The following TULP4 variants were observed in gnomAD, a reference collection of about 807,000 sequenced individuals.
The protein encoded by TULP4 is tubby-related protein 4.
In TULP4, 16 loss-of-function variants were observed where a neutral mutation model predicts 129.0. The ratio of observed to expected loss-of-function variants is 0.12; its 90% CI spans 0.08 to 0.19. The LOEUF (loss-of-function observed/expected upper bound fraction) is 0.19. Ranked by LOEUF, TULP4 falls within the 10% of genes least tolerant of loss-of-function variation. The pLI is 1.00. For missense variants in TULP4, 1,842 were observed against 2,059.1 expected (o/e 0.89, Z 2.04); for synonymous variants, 998 against 854.0 (o/e 1.17, Z -2.94).
chr6:158,470,394 G>A (rs1490925478), intron 6 of TULP4, among the ~76,000 whole-genome samples: 4 of 152,248 alleles, frequency 2.6e-5, no homozygotes, highest in South Asian at 2.1e-4. Context: ...GGGGGTTGCC[G>A]TTGCCGGCTT....
At chr6:158,403,742 C>T (rs1447605219) in intron 1 of TULP4, among the ~76,000 whole-genome samples, 1 of 152,208 alleles carries the variant, frequency 6.6e-6, no homozygotes, top group Admixed American at 6.5e-5. Context: ...TTGGGCGTCT[C>T]ATTGCTCAGG....
intron 3 of TULP4, among the ~76,000 whole-genome samples, chr6:158,439,218 A>G (rs1025983990): frequency 3.3e-5 from 5 of 152,200 alleles, no homozygotes; most frequent in East Asian, 1.9e-4. Flanking sequence ...ATAAATATCA[A>G]CTAACACATA....
intron 1 of TULP4, among the ~76,000 whole-genome samples, chr6:158,363,473 A>AT (rs1489273518): frequency 2.0e-5 from 3 of 151,808 alleles, no homozygotes; most frequent in South Asian, 2.1e-4. Flanking sequence ...TGATAGTCAC[A>AT]TTTTTTTTGT....
At chr6:158,250,121 C>G (rs1430773032) in intron 1 of TULP4, among the ~76,000 whole-genome samples, 2 of 151,788 alleles carry the variant, frequency 1.3e-5, no homozygotes, top group Non-Finnish European at 2.9e-5. Flanking sequence ...GAGACATGAG[C>G]CACCATTCCT....
At chr6:158,479,652 C>T (rs772307926) in intron 6 of TULP4, 99 bp from the exon 7 acceptor site, 8 of 1,113,814 alleles carry the variant, frequency 7.2e-6, no homozygotes, top group Non-Finnish European at 9.0e-6. Context: ...ATTCTCAAAA[C>T]AGCTTATTTT....
chr6:158,292,615 T>C (rs1778964031), intron 1 of TULP4, among the ~76,000 whole-genome samples: 1 of 152,238 alleles, frequency 6.6e-6, no homozygotes, highest in African/African-American at 2.4e-5. Context: ...TGTAGTCTTC[T>C]ACCATATAAT....
chr6:158,334,242 T>C (rs1223756726), intron 1 of TULP4, among the ~76,000 whole-genome samples: 1 of 152,176 alleles, frequency 6.6e-6, no homozygotes, highest in East Asian at 1.9e-4. Flanking sequence ...GTCATGACAT[T>C]ACAAGAAAAA....
At chr6:158,464,150 TAGGACACAGTCTCAAG>T (rs1283770817) in intron 6 of TULP4, among the ~76,000 whole-genome samples, 1 of 152,206 alleles carries the variant, frequency 6.6e-6, no homozygotes, top group Non-Finnish European at 1.5e-5. Flanking sequence ...AACCATGGCC[TAGGACACAGTCTCAAG>T]AGGTCCTGAG....
chr6:158,330,479 T>C (rs1435793466), intron 1 of TULP4, among the ~76,000 whole-genome samples: 2 of 152,254 alleles, frequency 1.3e-5, no homozygotes, highest in Admixed American at 1.3e-4. Flanking sequence ...TGTGCACGCA[T>C]ACACTCTCTC....
In TULP4 at chr6:158,502,569, C is replaced by T. The variant is rs775482315; in HGVS notation, c.2906C>T (p.Ala969Val). ...PPYPEIASQL[A>V]QGRGAAQRSD... ...TATCCTGAAATTGCCAGCCAGCTGG[C>T]CCAGGGGCGGGGGGCTGCCCAGAGG... The change falls in exon 13 of 14, where the codon GCC (alanine) becomes GTC (valine). Residue 969 changes from alanine (A) to valine (V), a missense_variant. Transcript: ENST00000367097. The T allele has an allele frequency of 2.1e-5, 33 of 1,605,472 alleles. No individual in the cohort carries two copies. The East Asian group carries it at 7.1e-4, about 35-fold the overall frequency.
At chr6:158,307,288 A>G (rs1779230660) in intron 1 of TULP4, among the ~76,000 whole-genome samples, 2 of 152,182 alleles carry the variant, frequency 1.3e-5, no homozygotes, top group African/African-American at 4.8e-5. Flanking sequence ...CCTCACACAC[A>G]TATATAATTG....
intron 1 of TULP4, among the ~76,000 whole-genome samples, chr6:158,349,064 GGCCAGGCAGAGGC>G (rs1780405446): frequency 1.9e-4 from 2 of 10,686 alleles, no homozygotes. Context: ...CAGACGGGGC[GGCCAGGCAGAGGC>G]GCTCCTCACT....
intron 5 of TULP4, among the ~76,000 whole-genome samples, chr6:158,457,081 C>T (rs1029108215): frequency 1.2e-4 from 18 of 152,196 alleles, no homozygotes; most frequent in East Asian, 9.7e-4. Flanking sequence ...CTGTTGGAGA[C>T]GGCACATGGC....
rs80190256 is a variant in TULP4 at position 158,352,924 on chromosome 6, A to G, written c.252+38656A>G. Among the ~76,000 whole-genome samples, 841 of 152,310 alleles carry G rather than the reference A, an allele frequency of 5.5e-3. 6 individuals are homozygous for G. Among genetic ancestry groups the G allele is most frequent in the African/African-American group, 0.019 (772 of 41,560 alleles). The stretch of plus-strand genomic sequence containing the variant: ...ATTATGATTTAAGTAATAAAGGAAA[A>G]GTGTATGAGTTTTTGCTCTCAAAAT... On this transcript the variant is annotated intron_variant, in intron 1 of 13. Transcript: ENST00000367097.
intron 1 of TULP4, among the ~76,000 whole-genome samples, chr6:158,370,642 G>A (rs61458824): frequency 6.6e-6 from 1 of 152,058 alleles, no homozygotes; most frequent in Non-Finnish European, 1.5e-5. Context: ...TTTTACTTGA[G>A]AGGTATTATT....
intron 1 of TULP4, among the ~76,000 whole-genome samples, chr6:158,305,660 A>G (rs1267742032): frequency 2.7e-5 from 4 of 150,612 alleles, no homozygotes; most frequent in African/African-American, 7.3e-5. Flanking sequence ...AGTTGTGATC[A>G]CGTCTCTGCA....
At chr6:158,368,140 C>T (rs1233441713) in intron 1 of TULP4, among the ~76,000 whole-genome samples, 1 of 149,138 alleles carries the variant, frequency 6.7e-6, no homozygotes, top group African/African-American at 2.5e-5. Flanking sequence ...TTGAGCTTTC[C>T]GTAAATTTTC....
chr6:158,237,992 A>G (rs1777752762), intron 1 of TULP4: 2 of 721,206 alleles, frequency 2.8e-6, no homozygotes, highest in Non-Finnish European at 5.2e-6. Context: ...TCTTTTATCA[A>G]GGACAAATGA....
chr6:158,455,786 T>C (rs929421264), intron 5 of TULP4, among the ~76,000 whole-genome samples: 2 of 152,058 alleles, frequency 1.3e-5, no homozygotes, highest in Non-Finnish European at 1.5e-5. Flanking sequence ...TGTGTCTTCC[T>C]AGTTTCAGAA....
Sources: gnomAD v4.1 joint callset for allele counts (sites outside exome capture counted in the v4.1 genomes callset) on GRCh38, gnomAD v4.1.1 for gene constraint, MANE v1.5 for transcripts, NCBI Gene and HGNC (gene_info 2026-07-23, HGNC 2026-07-21) for gene names.